Variants in TNNI3K observed in about 807,000 individuals in gnomAD.
TNNI3K encodes TNNI3 interacting kinase.
A neutral mutation model predicts 114.5 loss-of-function variants in TNNI3K; 140 were observed. The ratio of observed to expected loss-of-function variants is 1.22; its 90% CI spans 1.07 to 1.41. TNNI3K has a LOEUF of 1.41. TNNI3K is among the 40% of genes most tolerant of loss of function. The probability of loss-of-function intolerance (pLI) is 0.00; values close to 1 mark genes in which losing one functional copy is unlikely to be tolerated. For missense variants in TNNI3K, 1,125 were observed against 1,007.6 expected, an observed-to-expected ratio of 1.12 and a Z score of -1.58; for synonymous variants, 347 against 347.5, an observed-to-expected ratio of 1.00 and a Z score of 0.02.
At chr1:74,388,742 T>C (rs1663616668) in intron 17 of TNNI3K, among the ~76,000 whole-genome samples, 1 of 152,248 alleles carries the variant, frequency 6.6e-6, no homozygotes, top group South Asian at 2.1e-4. Flanking sequence ...ATTTTATATT[T>C]ATTTTTATTT....
chr1:74,538,694 A>G (rs1646690132), intron 23 of TNNI3K, among the ~76,000 whole-genome samples: 1 of 152,170 alleles, frequency 6.6e-6, no homozygotes, highest in African/African-American at 2.4e-5. Context: ...TGAGGCCTAA[A>G]TTGCAGAGGA....
intron 9 of TNNI3K, among the ~76,000 whole-genome samples, chr1:74,344,282 C>A (rs1191691202): frequency 6.6e-6 from 1 of 152,176 alleles, no homozygotes; most frequent in Non-Finnish European, 1.5e-5. Flanking sequence ...TCCATTATCT[C>A]ATGTAATCCT....
chr1:74,487,209 C>CA (rs902668217), intron 21 of TNNI3K, among the ~76,000 whole-genome samples: 10 of 148,376 alleles, frequency 6.7e-5, no homozygotes, highest in Non-Finnish European at 1.2e-4. Context: ...ATGAACGATG[C>CA]AAAAAAAAAT....
At chr1:74,266,417 C>G (rs1428869396) in intron 4 of TNNI3K, among the ~76,000 whole-genome samples, 1 of 151,960 alleles carries the variant, frequency 6.6e-6, no homozygotes, top group African/African-American at 2.4e-5. Flanking sequence ...GCTGTGTGGT[C>G]TTCTATGTCC....
chr1:74,442,662 T>C (rs1557568539), intron 20 of TNNI3K, among the ~76,000 whole-genome samples: 2 of 152,116 alleles, frequency 1.3e-5, no homozygotes, highest in Admixed American at 6.6e-5. Context: ...TATTTTAGCA[T>C]ACAAACCTTG....
Position 74,543,950 on chromosome 1 carries a change from C to T in TNNI3K, c.2476C>T (p.Arg826Ter), listed in dbSNP as rs201614312. Residue 826 changes from arginine (R) to a stop codon, truncating the protein, a stop_gained, in exon 25 of 25, where the codon CGA becomes TGA. Coordinates refer to ENST00000326637, the MANE Select transcript of TNNI3K (RefSeq NM_015978.3). LOFTEE classifies it high-confidence loss of function. Reference protein sequence around the residue: ...PMSSMHFHSCRNSSSFEDSS With the variant: ...PMSSMHFHSC Reference sequence around the variant, plus strand: ...GAGCTCAATGCATTTTCATTCTTGCCGAAATAGTAGCAGCTTTGAGGACAG... The same window carrying T: ...GAGCTCAATGCATTTTCATTCTTGCTGAAATAGTAGCAGCTTTGAGGACAG... 11 of 1,612,988 alleles carry T rather than the reference C, an allele frequency of 6.8e-6. No homozygotes were observed. Among genetic ancestry groups the T allele is most frequent in the Admixed American group, 3.3e-5 (2 of 59,806 alleles).
At chr1:74,247,550 A>C (rs1570366009) in intron 2 of TNNI3K, among the ~76,000 whole-genome samples, 1 of 152,078 alleles carries the variant, frequency 6.6e-6, no homozygotes, top group South Asian at 2.1e-4. Flanking sequence ...CATCCTGCTG[A>C]TTGGTCCGTT....
intron 20 of TNNI3K, among the ~76,000 whole-genome samples, chr1:74,443,153 A>G (rs1169233133): frequency 1.3e-5 from 2 of 152,202 alleles, no homozygotes; most frequent in South Asian, 4.1e-4. Flanking sequence ...GAAAAGAAAT[A>G]ACCTACATCA....
chr1:74,408,867 T>C (rs2100606899), intron 17 of TNNI3K, among the ~76,000 whole-genome samples: 1 of 152,270 alleles, frequency 6.6e-6, no homozygotes, highest in Middle Eastern at 3.4e-3. Context: ...TTTGTTGTAC[T>C]ATTTTGTAGA....
intron 4 of TNNI3K, among the ~76,000 whole-genome samples, chr1:74,266,915 C>G (rs1047415808): frequency 6.6e-6 from 1 of 151,894 alleles, no homozygotes; most frequent in Non-Finnish European, 1.5e-5. Context: ...AGCTGGAGCG[C>G]TTTTTTGTCT....
chr1:74,531,593 T>C (rs1008687472), intron 23 of TNNI3K, among the ~76,000 whole-genome samples: 2 of 152,204 alleles, frequency 1.3e-5, no homozygotes, highest in African/African-American at 4.8e-5. Context: ...GCCAGATGAC[T>C]CTAGTAGCCT....
At chr1:74,480,609 A>AGGC in intron 21 of TNNI3K, 1 of 717,274 alleles carries the variant, frequency 1.4e-6, no homozygotes, top group East Asian at 2.7e-5. Flanking sequence ...CCTCCGAAAG[A>AGGC]ACTGTCTGTG....
In TNNI3K at chr1:74,489,239, C is replaced by A. The variant is rs2100292561; in HGVS notation, c.2172C>A (p.Cys724Ter). Residue 724 changes from cysteine to a stop codon, truncating the protein, a stop_gained, in exon 22 of 25, where the codon TGC becomes TGA. Transcript: ENST00000326637. LOFTEE classifies it high-confidence loss of function. ...TCATGAAGTTAGAAGAGTGTCTCTGCAACATTGAGGTAAAAGCTTTAGCTT... is the reference window on the plus strand; with the variant it reads ...TCATGAAGTTAGAAGAGTGTCTCTGAAACATTGAGGTAAAAGCTTTAGCTT... Reference protein sequence around the residue: ...EVVMKLEECLCNIELMSPASS... With the variant: ...EVVMKLEECL 4 of 1,611,332 alleles carry A rather than the reference C, an allele frequency of 2.5e-6. No homozygotes were observed. Among genetic ancestry groups the A allele is most frequent in the Non-Finnish European group, 8.5e-7 (1 of 1,178,852 alleles).
chr1:74,540,337 T>G (rs1250635104), intron 24 of TNNI3K, 24 bp downstream of exon 24: 1 of 1,607,498 alleles, frequency 6.2e-7, no homozygotes, highest in Admixed American at 1.7e-5. Context: ...TTCTTTAGGT[T>G]TGTTAAGAAA....
intron 21 of TNNI3K, among the ~76,000 whole-genome samples, chr1:74,467,188 G>A (rs964379490): frequency 3.3e-5 from 5 of 152,110 alleles, no homozygotes; most frequent in African/African-American, 1.2e-4. Context: ...CAGATACAAG[G>A]GAAAGACTAG....
chr1:74,291,771 G>A (rs886215210), intron 5 of TNNI3K, among the ~76,000 whole-genome samples: 8 of 151,390 alleles, frequency 5.3e-5, no homozygotes, highest in African/African-American at 1.9e-4. Context: ...TTATCTTAAG[G>A]TTTGATGGTT....
At chr1:74,419,833 A>T (rs1003628563) in intron 17 of TNNI3K, among the ~76,000 whole-genome samples, 9 of 152,154 alleles carry the variant, frequency 5.9e-5, no homozygotes, top group African/African-American at 9.7e-5. Context: ...TCATTTATGC[A>T]TTAAACACAC....
intron 7 of TNNI3K, among the ~76,000 whole-genome samples, chr1:74,340,890 A>C (rs191587431): frequency 6.6e-6 from 1 of 152,308 alleles, no homozygotes; most frequent in Admixed American, 6.5e-5. Flanking sequence ...CTTCTGAATG[A>C]AAGGCGTCTT....
At chr1:74,401,999 T>C (rs974944861) in intron 17 of TNNI3K, 5 of 293,136 alleles carry the variant, frequency 1.7e-5, no homozygotes, top group Non-Finnish European at 3.4e-5. Flanking sequence ...TATATATATA[T>C]ATTTTGAATA....
Sources: gnomAD v4.1 joint callset for allele counts (sites outside exome capture counted in the v4.1 genomes callset) on GRCh38, gnomAD v4.1.1 for gene constraint, MANE v1.5 for transcripts, NCBI Gene and HGNC (gene_info 2026-07-23, HGNC 2026-07-21) for gene names.